CAPRIN1: variants seen among roughly 807,000 people sequenced by gnomAD.
CAPRIN1 encodes the protein caprin-1.
In CAPRIN1, 29 loss-of-function variants were observed where a neutral mutation model predicts 100.9. The observed-to-expected ratio is 0.29, with a 90% CI of 0.21 to 0.39. The LOEUF (loss-of-function observed/expected upper bound fraction) is 0.39, where lower values mean the gene tolerates loss of function less well. Among genes scored for constraint, CAPRIN1 ranks in the 10% least tolerant of loss-of-function variants. The pLI, the probability that CAPRIN1 is intolerant of heterozygous loss-of-function variation, is 1.00. For missense variants in CAPRIN1, 795 were observed against 876.7 expected (o/e 0.91, Z 1.18); for synonymous variants, 338 against 307.5 (o/e 1.10, Z -1.04).
At chr11:34,067,816 A>G (rs1333749613) in intron 2 of CAPRIN1, among the ~76,000 whole-genome samples, 3 of 117,754 alleles carry the variant, frequency 2.5e-5, no homozygotes, top group Non-Finnish European at 5.7e-5. Context: ...GTAGATCTTT[A>G]TTTTGGCTAT....
intron 2 of CAPRIN1, 74 bp from the exon 3 acceptor site, chr11:34,071,652 G>A: frequency 1.0e-6 from 1 of 981,024 alleles, no homozygotes; most frequent in Non-Finnish European, 1.6e-6. Flanking sequence ...GGATTGTGAG[G>A]GTTTTGTCAA....
chr11:34,077,341 T>C (rs17699505), intron 6 of CAPRIN1, among the ~76,000 whole-genome samples: 12,560 of 152,290 alleles, frequency 0.082, 530 homozygotes, highest in Non-Finnish European at 0.092. Flanking sequence ...GAAACAATTA[T>C]TGCATTTCAT....
intron 7 of CAPRIN1, among the ~76,000 whole-genome samples, chr11:34,081,498 CTT>C (rs576042440): frequency 1.3e-4 from 19 of 143,718 alleles, no homozygotes; most frequent in Admixed American, 2.1e-4. Flanking sequence ...TGTGCCCAGC[CTT>C]TTTTTTTTTT....
chr11:34,083,761 A>T (rs1404175499), intron 9 of CAPRIN1, among the ~76,000 whole-genome samples: 1 of 152,144 alleles, frequency 6.6e-6, no homozygotes, highest in Non-Finnish European at 1.5e-5. Context: ...TTAATATGTT[A>T]TTCTTATATC....
intron 6 of CAPRIN1, 42 bp downstream of exon 6, chr11:34,076,684 C>A: frequency 4.0e-6 from 5 of 1,259,426 alleles, no homozygotes; most frequent in Non-Finnish European, 4.6e-6. Flanking sequence ...AACTAGGAAT[C>A]TTTAAAAACT....
intron 17 of CAPRIN1, 109 bp downstream of exon 17, chr11:34,097,405 G>A (rs914003834): frequency 2.8e-5 from 26 of 921,118 alleles, no homozygotes; most frequent in Non-Finnish European, 4.1e-5. Context: ...TAACTTTGTG[G>A]TGTCCAAGAC....
intron 15 of CAPRIN1, 152 bp downstream of exon 15, chr11:34,092,208 A>AT: frequency 1.4e-6 from 1 of 714,682 alleles, no homozygotes; most frequent in Non-Finnish European, 2.2e-6. Flanking sequence ...CATGAGTTAA[A>AT]TTGAGTCTGT....
chr11:34,079,904 AGTTTTTTTTTTTTTTT>A, intron 7 of CAPRIN1, 139 bp downstream of exon 7: 211 of 496,676 alleles, frequency 4.2e-4, no homozygotes, highest in Non-Finnish European at 5.5e-4. Flanking sequence ...AGCATGACAA[AGTTTTTTTTTTTTTTT>A]TTTTTTTTTT....
rs1851457567 is a variant in CAPRIN1, at chr11:34,101,726, T to C, written c.*2359T>C. On this transcript the variant is annotated 3_prime_UTR_variant, in exon 19 of 19. Coordinates refer to ENST00000341394, the MANE Select transcript of CAPRIN1 (RefSeq NM_005898.5). ...ATGGGGCAGAGAACTTTTCAATAAG[T>C]CTCATTAAGATCTGAATCTTGGTTC... Among the ~76,000 whole-genome samples the C allele has an allele frequency of 6.6e-6, 1 of 152,194 alleles. No homozygotes were observed. Among genetic ancestry groups the C allele is most frequent in the African/African-American group, 2.4e-5 (1 of 41,454 alleles).
intron 2 of CAPRIN1, among the ~76,000 whole-genome samples, chr11:34,060,195 C>CAAAAAAA (rs1175800677): frequency 2.5e-5 from 1 of 40,460 alleles, no homozygotes; most frequent in Admixed American, 2.7e-4. Flanking sequence ...TACTCCATCT[C>CAAAAAAA]AAAAAAAAAA....
chr11:34,053,123 A>C, intron 2 of CAPRIN1: 1 of 992,514 alleles, frequency 1.0e-6, no homozygotes, highest in Non-Finnish European at 1.2e-6. Context: ...GTTACCATGC[A>C]CTCGAGACCT....
In CAPRIN1 at chr11:34,058,681, C is replaced by T. The variant is rs554313767; in HGVS notation, c.216+6045C>T. The stretch of plus-strand genomic sequence containing the variant: ...CCGGGTAATGGGGTTCTGAGAATAT[C>T]GGTAAGGTAAAATCCCAGTGTGTCA... On this transcript the variant is annotated intron_variant, in intron 2 of 18. Transcript: ENST00000341394. Among the ~76,000 whole-genome samples the T allele has an allele frequency of 5.9e-5, 9 of 152,248 alleles. No homozygotes were observed. The South Asian group carries it at 1.2e-3, about 21-fold the overall frequency.
intron 2 of CAPRIN1, among the ~76,000 whole-genome samples, chr11:34,064,170 C>T (rs150441617): frequency 1.3e-5 from 2 of 152,272 alleles, no homozygotes; most frequent in African/African-American, 4.8e-5. Context: ...TTTATTGTTA[C>T]CTCTTCTGCT....
chr11:34,096,895 T>C (rs918284311), intron 16 of CAPRIN1, among the ~76,000 whole-genome samples: 2 of 152,230 alleles, frequency 1.3e-5, no homozygotes, highest in African/African-American at 2.4e-5. Flanking sequence ...GTCAAATTAA[T>C]GTCTACCACT....
intron 2 of CAPRIN1, among the ~76,000 whole-genome samples, chr11:34,054,158 C>T (rs1850397269): frequency 6.6e-6 from 1 of 152,124 alleles, no homozygotes; most frequent in Non-Finnish European, 1.5e-5. Context: ...AGATTTGATA[C>T]TTCCCTGTTT....
chr11:34,086,732 G>A (rs1246687635), intron 11 of CAPRIN1, among the ~76,000 whole-genome samples: 15 of 152,158 alleles, frequency 9.9e-5, no homozygotes, highest in Non-Finnish European at 1.5e-5. Flanking sequence ...AACCTACGTT[G>A]TTTCCTTTCA....
chr11:34,099,513 A>G lies in CAPRIN1; in HGVS notation c.*146A>G. 1.5e-6 allele frequency: 1 copy of G among 675,864 alleles called. No homozygotes were observed. The highest frequency in any genetic ancestry group is 2.6e-6 in the Non-Finnish European group (1 of 384,034). The allele number at this position is 675,864 out of a possible 1,614,324, so 41.9% of individuals were successfully genotyped here. ...GTTTTCATCCCATAAAGACAGGACTACAATTGTCAGCTTTCTATTACCTGG... is the reference window on the plus strand; with the variant it reads ...GTTTTCATCCCATAAAGACAGGACTGCAATTGTCAGCTTTCTATTACCTGG... On this transcript the variant is annotated 3_prime_UTR_variant, in exon 19 of 19. Transcript: ENST00000341394.
At chr11:34,052,871 G>T (rs1372270188) in intron 2 of CAPRIN1, 14 of 1,410,610 alleles carry the variant, frequency 9.9e-6, no homozygotes, top group Non-Finnish European at 1.3e-5. Flanking sequence ...TGTACCCCAG[G>T]CCTCTTTATT....
chr11:34,057,110 T>TTTATAAAATACTTTATAAATTTTAC (rs2134082876), intron 2 of CAPRIN1, among the ~76,000 whole-genome samples: 1 of 152,338 alleles, frequency 6.6e-6, no homozygotes, highest in African/African-American at 2.4e-5. Flanking sequence ...TCTTAACTAT[T>TTTATAAAATACTTTATAAATTTTAC]TTATAAGTAA....
Sources: gnomAD v4.1 joint callset for allele counts (sites outside exome capture counted in the v4.1 genomes callset) on GRCh38, gnomAD v4.1.1 for gene constraint, MANE v1.5 for transcripts, NCBI Gene and HGNC (gene_info 2026-07-23, HGNC 2026-07-21) for gene names.